The following H3C4 variants were observed in gnomAD, a reference collection of about 807,000 sequenced individuals.
H3C4 encodes H3 clustered histone 4, also known as histone H3.1.
In H3C4, 10 loss-of-function variants were observed where a neutral mutation model predicts 8.7. That is an observed-to-expected ratio of 1.15 (90% CI 0.71 to 1.96). The LOEUF is 1.96. H3C4 is among the 30% of genes most tolerant of loss of function. The pLI is 0.00. For missense variants in H3C4, 216 were observed against 192.9 expected, an observed-to-expected ratio of 1.12 and a Z score of -0.71; for synonymous variants, 141 against 80.1, an observed-to-expected ratio of 1.76 and a Z score of -4.06.
rs1166897809 is a variant in H3C4, at chr6:26,197,176, A to T, written c.75T>A (p.Ala25=). The T allele has an allele frequency of 6.2e-7, 1 of 1,614,030 alleles. No individual in the cohort carries two copies. The highest frequency in any genetic ancestry group is 8.5e-7 in the Non-Finnish European group (1 of 1,180,008). Residue 25 remains alanine (A), a synonymous_variant, in exon 1 of 1, where the codon GCT becomes GCA. Transcript: ENST00000356476. ...CGGTGGCTGGAGCGCTCTTTCGAGC[A>T]GCCTTGGTGGCCAGCTGCTTGCGTG... ...KAPRKQLATK[A]ARKSAPATGG... is the part of the protein sequence containing the mutation.
At chr6:26,198,050 GT>G (rs1292827610), upstream of H3C4, among the ~76,000 whole-genome samples, 2 of 152,124 alleles carry the variant, frequency 1.3e-5, no homozygotes, top group East Asian at 3.8e-4. Flanking sequence ...GCTCAGTAGA[GT>G]TGAAAGTGGC....
chr6:26,197,014 G>C lies in H3C4; in HGVS notation c.237C>G (p.Phe79Leu). Residue 79 changes from phenylalanine (F) to leucine (L), a missense_variant, in exon 1 of 1, where the codon TTC becomes TTG. By Grantham distance (22) the Phe-to-Leu change is conservative (BLOSUM62 0). Transcript: ENST00000356476. Reference protein sequence around the residue: ...QRLVREIAQDFKTDLRFQSSA... With the variant: ...QRLVREIAQDLKTDLRFQSSA... ...AGCTCTGAAAACGCAGATCAGTCTT[G>C]AAGTCCTGCGCGATCTCACGGACTA... 6.2e-7 allele frequency: 1 copy of C among 1,614,220 alleles called. No homozygotes were observed. Among genetic ancestry groups the C allele is most frequent in the South Asian group, 1.1e-5 (1 of 91,086 alleles).
chr6:26,198,386 C>CA (rs1765031582), upstream of H3C4, among the ~76,000 whole-genome samples: 1 of 152,206 alleles, frequency 6.6e-6, no homozygotes, highest in South Asian at 2.1e-4. Context: ...AACTGGAGTG[C>CA]AGTGGCGCGA....
At chr6:26,198,188 T>C (rs1426797942), upstream of H3C4, among the ~76,000 whole-genome samples, 3 of 152,262 alleles carry the variant, frequency 2.0e-5, no homozygotes, top group Admixed American at 2.0e-4. Flanking sequence ...TATTTTTATG[T>C]AAATGTAAAC....
At chr6:26,199,115 T>A (rs1406876778), upstream of H3C4, 2 of 1,614,156 alleles carry the variant, frequency 1.2e-6, no homozygotes, top group African/African-American at 1.3e-5. Context: ...CGGCCCCGAC[T>A]CGCTCGGAGT....
At chr6:26,198,580 C>T (rs770182018), upstream of H3C4, among the ~76,000 whole-genome samples, 91 of 152,216 alleles carry the variant, frequency 6.0e-4, no homozygotes, top group South Asian at 2.1e-4. Flanking sequence ...GATCCGCCCA[C>T]CTTGGCCTTC....
At chr6:26,198,499 T>C (rs1581449983), upstream of H3C4, among the ~76,000 whole-genome samples, 1 of 151,992 alleles carries the variant, frequency 6.6e-6, no homozygotes, top group African/African-American at 2.4e-5. Context: ...GCCCGACAAA[T>C]TTTTTTATTT....
In H3C4 at chr6:26,196,985, G is replaced by A. The variant is rs1210592442; in HGVS notation, c.266C>T (p.Ala89Val). 6.2e-7 allele frequency: 1 copy of A among 1,614,206 alleles called. No homozygotes were observed. Among genetic ancestry groups the A allele is most frequent in the South Asian group, 1.1e-5 (1 of 91,080 alleles). The change falls in exon 1 of 1, where the codon GCG (alanine) becomes GTG (valine). Residue 89 changes from alanine (A) to valine (V), a missense_variant. Coordinates refer to ENST00000356476, the MANE Select transcript of H3C4 (RefSeq NM_001376937.1). ...GCAGGCCTCCTGCAGCGCCATCACCGCCGAGCTCTGAAAACGCAGATCAGT... is the reference window on the plus strand; with the variant it reads ...GCAGGCCTCCTGCAGCGCCATCACCACCGAGCTCTGAAAACGCAGATCAGT... ...FKTDLRFQSS[A>V]VMALQEACEA...
chr6:26,199,218 C>A, upstream of H3C4: 7 of 1,606,646 alleles, frequency 4.4e-6, no homozygotes, highest in Non-Finnish European at 5.9e-6. Flanking sequence ...TCGGGCCTTT[C>A]CGCCTTGCTT....
At chr6:26,198,175 CTA>C (rs1278702171), upstream of H3C4, among the ~76,000 whole-genome samples, 19 of 152,296 alleles carry the variant, frequency 1.2e-4, no homozygotes, top group Admixed American at 4.6e-4. Flanking sequence ...AAGTCACTAA[CTA>C]TATTTTTATG....
upstream of H3C4, among the ~76,000 whole-genome samples, chr6:26,197,766 T>C (rs1452777825): frequency 1.3e-5 from 2 of 151,730 alleles, no homozygotes; most frequent in African/African-American, 4.8e-5. Context: ...TAAGTAACAA[T>C]ATGAAACCTG....
upstream of H3C4, chr6:26,197,346 C>T (rs781445397): frequency 1.0e-5 from 14 of 1,338,226 alleles, no homozygotes; most frequent in Non-Finnish European, 1.4e-5. Flanking sequence ...TTGGACAAGG[C>T]AGCCTTTCCC....
At chr6:26,198,583 T>C (rs1660756817), upstream of H3C4, among the ~76,000 whole-genome samples, 3 of 152,240 alleles carry the variant, frequency 2.0e-5, no homozygotes, top group Admixed American at 6.5e-5. Flanking sequence ...CCGCCCACCT[T>C]GGCCTTCCAA....
upstream of H3C4, chr6:26,199,010 G>C (rs774013948): frequency 6.2e-6 from 10 of 1,614,074 alleles, no homozygotes; most frequent in Non-Finnish European, 7.6e-6. Flanking sequence ...GGGGGATGAT[G>C]CGGGTCTTCT....
chr6:26,198,626 C>T (rs1158234453), upstream of H3C4, among the ~76,000 whole-genome samples: 1 of 152,170 alleles, frequency 6.6e-6, no homozygotes, highest in Non-Finnish European at 1.5e-5. Flanking sequence ...GGAACCGCGC[C>T]CCGCCAATTT....
At chr6:26,198,020 T>C (rs1438234330), upstream of H3C4, among the ~76,000 whole-genome samples, 1 of 149,544 alleles carries the variant, frequency 6.7e-6, no homozygotes, top group Non-Finnish European at 1.5e-5. Context: ...TGTATTCCTA[T>C]TGATAATTAA....
rs772461329 is a variant in H3C4 at position 26,197,284 on chromosome 6, A to C, written c.-34T>G. 6.3e-6 allele frequency: 10 copies of C among 1,589,090 alleles called. No homozygotes were observed. The highest frequency in any genetic ancestry group is 1.1e-5 in the South Asian group (1 of 87,764). Reference sequence around the variant, plus strand: ...TCTAAACCCTGCTAAATGACGAAAAAACGAAAGTCTAGCCTTTCGTACCCG... The same window carrying C: ...TCTAAACCCTGCTAAATGACGAAAACACGAAAGTCTAGCCTTTCGTACCCG... On this transcript the variant is annotated 5_prime_UTR_variant, in exon 1 of 1. Transcript: ENST00000356476.
At position 26,196,792 on chromosome 6, in the gene H3C4, T is replaced by G. The variant is rs1455241515; in HGVS notation, c.*48A>C. The G allele has an allele frequency of 1.9e-6, 3 of 1,604,064 alleles. No individual in the cohort carries two copies. Among genetic ancestry groups the G allele is most frequent in the Admixed American group, 3.4e-5 (2 of 58,064 alleles). On this transcript the variant is annotated 3_prime_UTR_variant, in exon 1 of 1. Coordinates refer to ENST00000356476, the MANE Select transcript of H3C4 (RefSeq NM_001376937.1). Reference sequence around the variant, plus strand: ...AACTTTTATAGAAAAGGTGGTTGGCTCTGAAAAGAGCCTTTGGGTTTTGGT... The same window carrying G: ...AACTTTTATAGAAAAGGTGGTTGGCGCTGAAAAGAGCCTTTGGGTTTTGGT...
At chr6:26,197,302 C>G (rs767216247), upstream of H3C4, 26 of 1,575,774 alleles carry the variant, frequency 1.6e-5, no homozygotes, top group Non-Finnish European at 2.1e-5. Context: ...TCTAGCCTTT[C>G]GTACCCGTAT....
Sources: gnomAD v4.1 joint callset for allele counts (sites outside exome capture counted in the v4.1 genomes callset) on GRCh38, gnomAD v4.1.1 for gene constraint, MANE v1.5 for transcripts, NCBI Gene and HGNC (gene_info 2026-07-23, HGNC 2026-07-21) for gene names.